NTRK2: variants seen among roughly 807,000 people sequenced by gnomAD.
The protein encoded by NTRK2 is BDNF/NT-3 growth factors receptor.
In NTRK2, 13 loss-of-function variants were observed where a neutral mutation model predicts 94.5. The observed-to-expected ratio is 0.14, with a 90% CI of 0.09 to 0.22. The LOEUF is 0.22. Among genes scored for constraint, NTRK2 ranks in the 10% least tolerant of loss-of-function variants. NTRK2 has a pLI of 1.00. For synonymous variants in NTRK2, 372 were observed against 407.4 expected, an observed-to-expected ratio of 0.91 and a Z score of 1.05; for missense variants, 639 against 1,071.2, an observed-to-expected ratio of 0.60 and a Z score of 5.63.
rs543950249 is a variant in NTRK2 at position 84,707,357 on chromosome 9, T to A, written c.360-487T>A. 5.9e-5 allele frequency among the ~76,000 whole-genome samples: 9 copies of A among 152,318 alleles called. No homozygotes were observed. In the South Asian group the frequency reaches 6.2e-4, roughly 11 times the overall value. On this transcript the variant is annotated intron_variant, in intron 4 of 18. Transcript: ENST00000277120. Reference sequence around the variant, plus strand: ...ATCTCAGTAGAGTTTTTTTTATCAATAAAATGTCTTTCCTATAAAGACGTA... The same window carrying A: ...ATCTCAGTAGAGTTTTTTTTATCAAAAAAATGTCTTTCCTATAAAGACGTA...
At chr9:84,708,966 G>T (rs925781585) in intron 5 of NTRK2, among the ~76,000 whole-genome samples, 4 of 152,234 alleles carry the variant, frequency 2.6e-5, no homozygotes, top group East Asian at 1.9e-4. Flanking sequence ...GCAACATTGT[G>T]TAAAATTTTC....
At chr9:84,760,858 G>T (rs548865964) in intron 12 of NTRK2, among the ~76,000 whole-genome samples, 52 of 152,310 alleles carry the variant, frequency 3.4e-4, no homozygotes, top group Admixed American at 1.0e-3. Context: ...GTACAGAAAG[G>T]ATTATAACTG....
At chr9:84,858,863 TA>T (rs2075194959) in intron 12 of NTRK2, among the ~76,000 whole-genome samples, 2 of 151,940 alleles carry the variant, frequency 1.3e-5, no homozygotes, top group South Asian at 4.2e-4. Flanking sequence ...GAAATGCAAC[TA>T]AAAAAGAATG....
chr9:84,801,055 T>G (rs1461959434), intron 12 of NTRK2, among the ~76,000 whole-genome samples: 1 of 152,244 alleles, frequency 6.6e-6, no homozygotes, highest in African/African-American at 2.4e-5. Context: ...GCTGAGCTAC[T>G]GCAGGCAGGG....
intron 12 of NTRK2, among the ~76,000 whole-genome samples, chr9:84,777,508 CAG>C (rs945484596): frequency 2.0e-5 from 3 of 152,172 alleles, no homozygotes; most frequent in African/African-American, 4.8e-5. Flanking sequence ...TTCTTTGACT[CAG>C]AGTGTTTCTC....
chr9:84,996,049 TAAC>T (rs976696756), intron 17 of NTRK2, among the ~76,000 whole-genome samples: 3 of 152,220 alleles, frequency 2.0e-5, no homozygotes, highest in East Asian at 1.9e-4. Flanking sequence ...AAAATTGACT[TAAC>T]AAAGAGCACT....
intron 17 of NTRK2, among the ~76,000 whole-genome samples, chr9:84,970,269 C>T (rs10868239): frequency 0.46 from 69,624 of 151,560 alleles, 16,672 homozygotes; most frequent in Middle Eastern, 0.54. Context: ...TGGTGGTGGG[C>T]GCCTGTAATC....
intron 17 of NTRK2, among the ~76,000 whole-genome samples, chr9:84,964,059 G>C (rs554680528): frequency 6.6e-6 from 1 of 152,068 alleles, no homozygotes; most frequent in African/African-American, 2.4e-5. Flanking sequence ...CCTTAACCAG[G>C]TTCCGTTGAT....
intron 12 of NTRK2, among the ~76,000 whole-genome samples, chr9:84,844,645 TCACTCACACACA>T (rs1490676329): frequency 9.8e-6 from 1 of 101,624 alleles, no homozygotes; most frequent in Admixed American, 1.2e-4. Flanking sequence ...ATGTAATACC[TCACTCACACACA>T]CACACACACA....
intron 12 of NTRK2, among the ~76,000 whole-genome samples, chr9:84,806,905 A>G (rs952803029): frequency 6.6e-6 from 1 of 152,254 alleles, no homozygotes; most frequent in Non-Finnish European, 1.5e-5. Context: ...ATTTTCCAGA[A>G]GACTTAAAAG....
At chr9:84,921,429 A>G (rs1366049025) in intron 14 of NTRK2, among the ~76,000 whole-genome samples, 1 of 152,162 alleles carries the variant, frequency 6.6e-6, no homozygotes, top group Non-Finnish European at 1.5e-5. Context: ...TTTTAACACC[A>G]GTGATTCTTG....
At chr9:84,868,441 T>A (rs531856632) in intron 14 of NTRK2, among the ~76,000 whole-genome samples, 146 of 152,312 alleles carry the variant, frequency 9.6e-4, no homozygotes, top group African/African-American at 3.4e-3. Context: ...CTTCATCCTA[T>A]TCACTCAAAT....
At chr9:84,934,313 G>A (rs1430437241) in intron 15 of NTRK2, 21 bp downstream of exon 15, 4 of 1,613,568 alleles carry the variant, frequency 2.5e-6, no homozygotes, top group East Asian at 2.2e-5. Context: ...ATTCCAGAAT[G>A]TCTCATTAAC....
intron 14 of NTRK2, among the ~76,000 whole-genome samples, chr9:84,930,571 C>T (rs2077988998): frequency 6.6e-6 from 1 of 152,112 alleles, no homozygotes; most frequent in Non-Finnish European, 1.5e-5. Flanking sequence ...GCTTGGGCAT[C>T]CTTGGTGCAT....
chr9:84,875,870 A>G (rs2076045151), intron 14 of NTRK2: 1 of 1,041,806 alleles, frequency 9.6e-7, no homozygotes, highest in African/African-American at 1.7e-5. Context: ...TAGTGTTGAT[A>G]TTTTGCACAG....
chr9:85,021,569 C>G lies in NTRK2; in HGVS notation c.*132C>G. On this transcript the variant is annotated 3_prime_UTR_variant, in exon 19 of 19. Transcript: ENST00000277120. ...CTGACAGTATTAACATCAAAGACTC[C>G]GAGAAGCTCTCGAGGGAAGCAGTGT... 2.3e-6 allele frequency: 2 copies of G among 882,670 alleles called. No homozygotes were observed. Among genetic ancestry groups the G allele is most frequent in the Non-Finnish European group, 3.8e-6 (2 of 529,246 alleles). The allele number at this position is 882,670 out of a possible 1,614,324, so 54.7% of individuals were successfully genotyped here. A position where few individuals can be genotyped will look rare whatever the true frequency, so the allele number is the denominator to read the frequency against.
chr9:84,748,539 G>A lies in NTRK2; in HGVS notation c.1297-3447G>A, dbSNP rs2064295879. On this transcript the variant is annotated intron_variant, in intron 11 of 18. Transcript: ENST00000277120. ...AGCTGTCATGACTGGTAAAAGCAAG[G>A]TGTCCTGTGAACGCAGGGATCTAGG... 3.3e-5 allele frequency among the ~76,000 whole-genome samples: 5 copies of A among 152,298 alleles called. No homozygotes were observed. In the South Asian group the frequency reaches 1.0e-3, roughly 32 times the overall value.
chr9:84,952,807 G>T (rs571315251), intron 16 of NTRK2, among the ~76,000 whole-genome samples: 1 of 152,280 alleles, frequency 6.6e-6, no homozygotes, highest in East Asian at 1.9e-4. Flanking sequence ...GCTTCCTGAC[G>T]TCTGCAGAGT....
At chr9:84,843,841 T>G (rs1477689844) in intron 12 of NTRK2, among the ~76,000 whole-genome samples, 2 of 152,012 alleles carry the variant, frequency 1.3e-5, no homozygotes, top group African/African-American at 4.8e-5. Context: ...CTGCAAACAG[T>G]TTTATGTGAG....
Sources: gnomAD v4.1 joint callset for allele counts (sites outside exome capture counted in the v4.1 genomes callset) on GRCh38, gnomAD v4.1.1 for gene constraint, MANE v1.5 for transcripts, NCBI Gene and HGNC (gene_info 2026-07-23, HGNC 2026-07-21) for gene names.